The following ZNF385D variants were observed in gnomAD, a reference collection of about 807,000 sequenced individuals.
ZNF385D encodes zinc finger protein 385D.
A neutral mutation model predicts 35.8 loss-of-function variants in ZNF385D; 15 were observed. That is an observed-to-expected ratio of 0.42 (90% CI 0.28 to 0.64). ZNF385D has a LOEUF of 0.64. Ranked by LOEUF, ZNF385D falls within the 30% of genes least tolerant of loss-of-function variation. The probability of loss-of-function intolerance (pLI) is 0.23; values close to 1 mark genes in which losing one functional copy is unlikely to be tolerated. For synonymous variants in ZNF385D, 212 were observed against 186.8 expected (o/e 1.13, Z -1.10); for missense variants, 474 against 494.6 (o/e 0.96, Z 0.39).
At chr3:21,698,336 TG>T (rs35607882) in intron 1 of ZNF385D, among the ~76,000 whole-genome samples, 24,591 of 152,032 alleles carry the variant, frequency 0.16, 2,117 homozygotes, top group East Asian at 0.22. Context: ...CAAAGTGCAA[TG>T]ACTCAGAAAC....
intron 3 of ZNF385D, among the ~76,000 whole-genome samples, chr3:21,829,835 TAG>T (rs1053306574): frequency 6.6e-6 from 1 of 152,006 alleles, no homozygotes; most frequent in African/African-American, 2.4e-5. Context: ...CCTAATATTT[TAG>T]AGTTTGGCCT....
intron 2 of ZNF385D, among the ~76,000 whole-genome samples, chr3:22,280,733 G>C (rs935551597): frequency 1.3e-5 from 2 of 151,974 alleles, no homozygotes; most frequent in Admixed American, 1.3e-4. Flanking sequence ...GCTTAGTCTT[G>C]CTTTAGCTAT....
intron 6 of ZNF385D, 71 bp from the exon 7 acceptor site, chr3:21,424,135 A>T (rs1700873858): frequency 1.5e-6 from 2 of 1,328,588 alleles, no homozygotes; most frequent in East Asian, 5.1e-5. Flanking sequence ...ATATTGCTTT[A>T]ACCTGGAGAA....
chr3:21,692,534 C>T (rs1007950481), intron 1 of ZNF385D, among the ~76,000 whole-genome samples: 17 of 152,334 alleles, frequency 1.1e-4, no homozygotes, highest in Middle Eastern at 6.8e-3. Context: ...GTCCTAAGTG[C>T]TTCTCAACCC....
chr3:21,477,000 G>A (rs749779478), intron 4 of ZNF385D, among the ~76,000 whole-genome samples: 4 of 152,050 alleles, frequency 2.6e-5, no homozygotes, highest in African/African-American at 9.7e-5. Context: ...CCACCACAAG[G>A]TTCTTCTAAG....
chr3:21,738,887 T>A (rs2069373670), intron 1 of ZNF385D, among the ~76,000 whole-genome samples: 1 of 152,246 alleles, frequency 6.6e-6, no homozygotes, highest in African/African-American at 2.4e-5. Context: ...TGCTTTGTTG[T>A]TCATTTGTTT....
intron 3 of ZNF385D, among the ~76,000 whole-genome samples, chr3:21,818,587 T>A (rs1410534888): frequency 6.6e-6 from 1 of 152,112 alleles, no homozygotes; most frequent in Non-Finnish European, 1.5e-5. Flanking sequence ...TTACTAGGAT[T>A]TGCTTGCAAC....
At chr3:21,469,690 TA>T (rs949244322) in intron 4 of ZNF385D, among the ~76,000 whole-genome samples, 97 of 152,178 alleles carry the variant, frequency 6.4e-4, no homozygotes, top group Admixed American at 1.1e-3. Context: ...CTCAATTACT[TA>T]AAAAATGTTT....
At chr3:21,851,611 G>C (rs1037414236) in intron 3 of ZNF385D, among the ~76,000 whole-genome samples, 2 of 151,864 alleles carry the variant, frequency 1.3e-5, no homozygotes, top group Admixed American at 6.6e-5. Flanking sequence ...AATATCTTGT[G>C]GTCATGACTC....
intron 3 of ZNF385D, among the ~76,000 whole-genome samples, chr3:21,554,540 C>T (rs1221933636): frequency 6.6e-6 from 1 of 152,204 alleles, no homozygotes; most frequent in Non-Finnish European, 1.5e-5. Flanking sequence ...ACACTAACTT[C>T]ATTAGCTCCT....
intron 3 of ZNF385D, among the ~76,000 whole-genome samples, chr3:21,973,047 T>C (rs775615473): frequency 1.3e-5 from 2 of 151,958 alleles, no homozygotes; most frequent in East Asian, 3.9e-4. Flanking sequence ...GGAGAGGGAA[T>C]ACTTCCAAAC....
At chr3:21,932,194 A>AAAAAAAT (rs1701047571) in intron 3 of ZNF385D, among the ~76,000 whole-genome samples, 1 of 140,808 alleles carries the variant, frequency 7.1e-6, no homozygotes, top group African/African-American at 2.6e-5. Flanking sequence ...AAAAAAAAAA[A>AAAAAAAT]GTGTGACTTG....
At chr3:21,643,921 G>C (rs190089031) in intron 2 of ZNF385D, among the ~76,000 whole-genome samples, 1 of 152,072 alleles carries the variant, frequency 6.6e-6, no homozygotes, top group African/African-American at 2.4e-5. Flanking sequence ...TTATGTGGCT[G>C]GACAACCAAG....
intron 3 of ZNF385D, among the ~76,000 whole-genome samples, chr3:22,090,596 G>T (rs1701278403): frequency 6.6e-6 from 1 of 152,148 alleles, no homozygotes; most frequent in African/African-American, 2.4e-5. Context: ...TGTAGTCACA[G>T]GACCGATATT....
intron 3 of ZNF385D, among the ~76,000 whole-genome samples, chr3:22,013,496 T>G (rs1292529507): frequency 6.6e-6 from 1 of 152,152 alleles, no homozygotes; most frequent in African/African-American, 2.4e-5. Flanking sequence ...GACCTTTTGA[T>G]GTTTGATATT....
chr3:21,921,486 T>C (rs893468372), intron 3 of ZNF385D, among the ~76,000 whole-genome samples: 12 of 151,980 alleles, frequency 7.9e-5, no homozygotes, highest in African/African-American at 2.4e-4. Context: ...TTAAATCTTG[T>C]ATTTCTTTAT....
At chr3:21,460,406 T>C (rs1430768537) in intron 4 of ZNF385D, among the ~76,000 whole-genome samples, 1 of 152,220 alleles carries the variant, frequency 6.6e-6, no homozygotes, top group Non-Finnish European at 1.5e-5. Context: ...GGGTGGATAA[T>C]GAATATTTGT....
chr3:22,333,249 G>T (rs1189304349), intron 2 of ZNF385D, among the ~76,000 whole-genome samples: 3 of 152,106 alleles, frequency 2.0e-5, no homozygotes, highest in African/African-American at 7.2e-5. Flanking sequence ...TGGCTTTCAG[G>T]AGTGTGTTTG....
rs146484007 is a variant in ZNF385D at position 21,742,594 on chromosome 3, AG to A, written c.22+8300del. Among the ~76,000 whole-genome samples, 1,271 of 152,252 alleles carry A rather than the reference AG, an allele frequency of 8.3e-3. 15 individuals are homozygous for A. The highest frequency in any genetic ancestry group is 0.029 in the African/African-American group (1,210 of 41,548). On this transcript the variant is annotated intron_variant, in intron 1 of 7. Coordinates refer to ENST00000281523, the MANE Select transcript of ZNF385D (RefSeq NM_024697.3). ...TGAGCGGCAGAAGGCAATGGATTGGAGGGCAAGAGAAAGGGAGAAACCAGGG... is the reference window on the plus strand; with the variant it reads ...TGAGCGGCAGAAGGCAATGGATTGGAGGCAAGAGAAAGGGAGAAACCAGGG...
Sources: gnomAD v4.1 joint callset for allele counts (sites outside exome capture counted in the v4.1 genomes callset) on GRCh38, gnomAD v4.1.1 for gene constraint, MANE v1.5 for transcripts, NCBI Gene and HGNC (gene_info 2026-07-23, HGNC 2026-07-21) for gene names.